KIF15: variants seen among roughly 807,000 people sequenced by gnomAD.
KIF15 encodes kinesin family member 15.
A neutral mutation model predicts 190.6 loss-of-function variants in KIF15; 140 were observed. That is an observed-to-expected ratio of 0.73 (90% CI 0.64 to 0.84). KIF15 has a LOEUF of 0.84. Among genes scored for constraint, KIF15 ranks in the 40% least tolerant of loss-of-function variants. The pLI is 0.00. For missense variants in KIF15, 1,372 were observed against 1,584.4 expected (o/e 0.87, Z 2.28); for synonymous variants, 528 against 551.3 (o/e 0.96, Z 0.59).
Position 44,828,305 on chromosome 3 carries a change from G to A in KIF15, c.2943+5G>A. 6.3e-7 allele frequency: 1 copy of A among 1,597,312 alleles called. No homozygotes were observed. The highest frequency in any genetic ancestry group is 8.6e-7 in the Non-Finnish European group (1 of 1,164,852). On this transcript the variant is annotated splice_donor_5th_base_variant and intron_variant, in intron 24 of 34. Transcript: ENST00000326047. ...AAGTCTAGAGATTCTGATAAGGTTG[G>A]TAGAGTTTGAAGCTACATCTCTCTG...
At chr3:44,769,488 G>A (rs1209171386) in intron 1 of KIF15, among the ~76,000 whole-genome samples, 5 of 152,278 alleles carry the variant, frequency 3.3e-5, no homozygotes, top group East Asian at 3.9e-4. Flanking sequence ...GCTTACCCAC[G>A]TACGCCCTAT....
At chr3:44,823,862 A>G (rs989458062) in intron 20 of KIF15, among the ~76,000 whole-genome samples, 2 of 152,160 alleles carry the variant, frequency 1.3e-5, no homozygotes, top group African/African-American at 4.8e-5. Context: ...TGATAAGACC[A>G]TTGGAAAAGC....
rs143266307 is a variant in KIF15, at chr3:44,834,374, G to GTGTC, written c.3171+3358_3171+3361dup. Among the ~76,000 whole-genome samples, 604 of 152,268 alleles carry GTGTC rather than the reference G, an allele frequency of 4.0e-3. 5 individuals are homozygous for GTGTC. The highest frequency in any genetic ancestry group is 0.013 in the African/African-American group (527 of 41,554). On this transcript the variant is annotated intron_variant, in intron 26 of 34. Transcript: ENST00000326047. ...GACTGTTATTTGCAGATGGTCATGA[G>GTGTC]TGTCTACATGGAGACTCCAAAATAC...
chr3:44,867,793 GTATT>G (rs1472341205), intron 6 of KIF15, among the ~76,000 whole-genome samples: 3 of 152,196 alleles, frequency 2.0e-5, no homozygotes, highest in Admixed American at 1.3e-4. Flanking sequence ...AACGTTCACT[GTATT>G]TATTTTCCTC....
intron 7 of KIF15, among the ~76,000 whole-genome samples, chr3:44,789,117 T>C (rs1575595086): frequency 1.3e-5 from 2 of 152,312 alleles, no homozygotes; most frequent in East Asian, 3.9e-4. Flanking sequence ...GTTTTCAGTT[T>C]ATCCTGGGTT....
chr3:44,805,956 G>A lies in KIF15; in HGVS notation c.1941G>A (p.Gln647=), dbSNP rs754247136. The change falls in exon 16 of 35, where the codon CAG becomes CAA. Residue 647 remains glutamine, a synonymous_variant. Transcript: ENST00000326047. ...CCTGCAAGCGGCAAGAAGTTTCTCAGCTGAATAAAATTCATGCTGAAACAC... is the reference window on the plus strand; with the variant it reads ...CCTGCAAGCGGCAAGAAGTTTCTCAACTGAATAAAATTCATGCTGAAACAC... ...TKACKRQEVS[Q]LNKIHAETLK... The A allele has an allele frequency of 6.2e-7, 1 of 1,614,102 alleles. No homozygotes were observed. The highest frequency in any genetic ancestry group is 1.1e-5 in the South Asian group (1 of 91,050).
At chr3:44,825,163 A>G (rs1325386930) in intron 20 of KIF15, among the ~76,000 whole-genome samples, 5 of 152,180 alleles carry the variant, frequency 3.3e-5, no homozygotes, top group East Asian at 1.9e-4. Flanking sequence ...GTGGCCTTCA[A>G]TGGTTGTTAA....
chr3:44,826,316 A>T, intron 21 of KIF15, 59 bp from the exon 22 acceptor site: 2 of 1,566,552 alleles, frequency 1.3e-6, no homozygotes, highest in South Asian at 1.1e-5. Flanking sequence ...GGTACTTGAC[A>T]TGTTCGTTGA....
Position 44,809,206 on chromosome 3 carries a change from ATT to A in KIF15, c.1972-1638_1972-1637del, listed in dbSNP as rs537624388. Among the ~76,000 whole-genome samples, 30 of 152,266 alleles carry A rather than the reference ATT, an allele frequency of 2.0e-4. No homozygotes were observed. The East Asian group carries it at 5.8e-3, about 29-fold the overall frequency. ...TCTTGTTGTTAAGGTTTTAATTCTC[ATT>A]TCTCTAATTTCAAATATCTTTTCAT... is the stretch of plus-strand genomic sequence containing the variant. On this transcript the variant is annotated intron_variant, in intron 16 of 34. Transcript: ENST00000326047.
chr3:44,846,645 G>T (rs1236569531), intron 30 of KIF15, among the ~76,000 whole-genome samples: 1 of 151,812 alleles, frequency 6.6e-6, no homozygotes, highest in Non-Finnish European at 1.5e-5. Context: ...GTGGTGGCAC[G>T]CACCTGTAAT....
chr3:44,847,239 C>T (rs1460133314), intron 30 of KIF15, among the ~76,000 whole-genome samples: 2 of 152,120 alleles, frequency 1.3e-5, no homozygotes, highest in Non-Finnish European at 2.9e-5. Context: ...TTTTACTCAC[C>T]AGTGAGAGAG....
rs1004977557 is a variant in KIF15 at position 44,816,754 on chromosome 3, C to T, written c.2549+1678C>T. Among the ~76,000 whole-genome samples the T allele has an allele frequency of 3.9e-5, 6 of 152,288 alleles. No individual in the cohort carries two copies. The South Asian group carries it at 6.2e-4, about 16-fold the overall frequency. On this transcript the variant is annotated intron_variant, in intron 20 of 34. Coordinates refer to ENST00000326047, the MANE Select transcript of KIF15 (RefSeq NM_020242.3). ...ATTTATAATCCTTTGGGTATATACCCAGTAATGGGATCGGTGGCTCAAATG... is the reference window on the plus strand; with the variant it reads ...ATTTATAATCCTTTGGGTATATACCTAGTAATGGGATCGGTGGCTCAAATG...
At chr3:44,867,237 CAGAG>C (rs1242252241) in intron 6 of KIF15, among the ~76,000 whole-genome samples, 10 of 152,212 alleles carry the variant, frequency 6.6e-5, no homozygotes. Flanking sequence ...CCTGAAAACT[CAGAG>C]AGGCCCTGCA....
At chr3:44,864,458 T>G in intron 6 of KIF15, 1 of 1,366,450 alleles carries the variant, frequency 7.3e-7, no homozygotes, top group Non-Finnish European at 1.0e-6. Flanking sequence ...AAGCAGAGGT[T>G]GGGCTGTGGC....
chr3:44,821,623 G>A (rs1358397374), intron 20 of KIF15, among the ~76,000 whole-genome samples: 3 of 150,824 alleles, frequency 2.0e-5, no homozygotes, highest in Admixed American at 6.6e-5. Flanking sequence ...GGGAAGAGGC[G>A]CTCCTCACTT....
intron 8 of KIF15, among the ~76,000 whole-genome samples, chr3:44,795,748 T>C (rs1054904819): frequency 3.9e-5 from 6 of 152,110 alleles, no homozygotes; most frequent in Non-Finnish European, 5.9e-5. Context: ...GTTTAGAATA[T>C]ACATGGGCAA....
intron 30 of KIF15, among the ~76,000 whole-genome samples, chr3:44,845,827 G>A (rs1282446463): frequency 6.6e-6 from 1 of 152,088 alleles, no homozygotes; most frequent in Non-Finnish European, 1.5e-5. Context: ...CCAGCACCAG[G>A]ACAGTTACTC....
chr3:44,788,061 C>G (rs1038604250), intron 7 of KIF15, among the ~76,000 whole-genome samples: 2 of 152,180 alleles, frequency 1.3e-5, no homozygotes, highest in African/African-American at 4.8e-5. Context: ...CCATGTTGCC[C>G]AGGCTGGTCT....
rs1699107404 is a variant in KIF15, at chr3:44,852,718, A to G, written c.4150A>G (p.Lys1384Glu). The change falls in exon 35 of 35, where the codon AAA becomes GAA. Residue 1384 changes from lysine (K) to glutamate (E), a missense_variant. Coordinates refer to ENST00000326047, the MANE Select transcript of KIF15 (RefSeq NM_020242.3). ...RAENVFLKEK[K>E]RSES Reference sequence around the variant, plus strand: ...CGAAAATGTATTTTTAAAAGAAAAGAAAAGAAGTGAATCTTGAGGATTCCG... The same window carrying G: ...CGAAAATGTATTTTTAAAAGAAAAGGAAAGAAGTGAATCTTGAGGATTCCG... 1.2e-6 allele frequency: 2 copies of G among 1,601,418 alleles called. No individual in the cohort carries two copies. The highest frequency in any genetic ancestry group is 1.7e-5 in the Admixed American group (1 of 57,510).
Sources: allele counts gnomAD v4.1 joint callset (sites outside exome capture counted in the v4.1 genomes callset), GRCh38; gene constraint gnomAD v4.1.1; transcripts MANE v1.5; gene names NCBI Gene and HGNC (gene_info 2026-07-23, HGNC 2026-07-21).